Variants in C8orf34 observed in about 807,000 individuals in gnomAD.
The protein encoded by C8orf34 is chromosome 8 open reading frame 34.
C8orf34 carries 65 observed loss-of-function variants against 68.3 expected under a neutral mutation model. The ratio of observed to expected loss-of-function variants is 0.95; its 90% CI spans 0.78 to 1.17. The LOEUF (loss-of-function observed/expected upper bound fraction) is 1.17, where lower values mean the gene tolerates loss of function less well. Among genes scored for constraint, C8orf34 ranks in the 50% most tolerant of loss-of-function variants. C8orf34 has a pLI of 0.00. For missense variants in C8orf34, 664 were observed against 655.4 expected, an observed-to-expected ratio of 1.01 and a Z score of -0.14; for synonymous variants, 244 against 241.2, an observed-to-expected ratio of 1.01 and a Z score of -0.11.
chr8:68,578,468 G>T (rs1816969686), intron 7 of C8orf34, among the ~76,000 whole-genome samples: 1 of 151,922 alleles, frequency 6.6e-6, no homozygotes, highest in African/African-American at 2.4e-5. Context: ...GATCAGGAGG[G>T]TACCATTGAT....
chr8:68,537,464 C>A (rs191384019), intron 7 of C8orf34, among the ~76,000 whole-genome samples: 67 of 139,064 alleles, frequency 4.8e-4, no homozygotes, highest in African/African-American at 1.8e-3. Context: ...TTTTTATTTT[C>A]TTTTTTTTTT....
chr8:68,514,099 A>G (rs1344067270), intron 5 of C8orf34, among the ~76,000 whole-genome samples: 1 of 152,188 alleles, frequency 6.6e-6, no homozygotes, highest in Non-Finnish European at 1.5e-5. Context: ...TCAGGCTCGC[A>G]GACAATTTGA....
intron 8 of C8orf34, among the ~76,000 whole-genome samples, chr8:68,649,779 A>G (rs12543555): frequency 0.14 from 20,955 of 152,210 alleles, 1,904 homozygotes; most frequent in Middle Eastern, 0.26. Context: ...CATGACAAAG[A>G]GCTGGTGCTT....
chr8:68,516,071 G>A (rs898321702), intron 5 of C8orf34, among the ~76,000 whole-genome samples: 6 of 152,054 alleles, frequency 3.9e-5, no homozygotes, highest in Admixed American at 3.9e-4. Context: ...TTTTGAAATA[G>A]CAGGATCAAA....
chr8:68,483,468 C>A (rs530875110), intron 4 of C8orf34, among the ~76,000 whole-genome samples: 27 of 152,178 alleles, frequency 1.8e-4, no homozygotes, highest in African/African-American at 6.0e-4. Context: ...GCTTATATAT[C>A]ATAGGGAAAG....
At position 68,330,961 on chromosome 8, in the gene C8orf34, C is replaced by A; in HGVS notation, c.-52C>A. The A allele has an allele frequency of 1.5e-6, 2 of 1,306,412 alleles. No homozygotes were observed. The highest frequency in any genetic ancestry group is 2.0e-6 in the Non-Finnish European group (2 of 1,012,964). 80.9% of individuals were successfully genotyped at this position (1,306,412 alleles called of 1,614,324 possible). ...CTCTGCCTCGAATTTCCCCACTGCG[C>A]CGGGCGCTGCGGAGAGCGGCGAGGG... On this transcript the variant is annotated 5_prime_UTR_variant, in exon 1 of 14. Coordinates refer to ENST00000518698, the MANE Select transcript of C8orf34 (RefSeq NM_052958.4).
intron 10 of C8orf34, among the ~76,000 whole-genome samples, chr8:68,722,144 T>A (rs1821694931): frequency 6.6e-6 from 1 of 152,064 alleles, no homozygotes; most frequent in Non-Finnish European, 1.5e-5. Flanking sequence ...GATCAAAGTG[T>A]TGGCAGGGCT....
chr8:68,603,571 A>ATCTG (rs913903003), intron 7 of C8orf34, among the ~76,000 whole-genome samples: 16 of 107,984 alleles, frequency 1.5e-4, no homozygotes, highest in Admixed American at 1.3e-3. Flanking sequence ...CTATCTATCT[A>ATCTG]TCTTTGATCT....
chr8:68,766,534 A>G (rs1823180830), intron 10 of C8orf34, among the ~76,000 whole-genome samples: 1 of 152,224 alleles, frequency 6.6e-6, no homozygotes, highest in Admixed American at 6.5e-5. Flanking sequence ...TAATTAGATT[A>G]GTTTAAGATT....
chr8:68,464,988 G>T (rs1184828842), intron 3 of C8orf34, among the ~76,000 whole-genome samples: 2 of 150,576 alleles, frequency 1.3e-5, no homozygotes, highest in African/African-American at 2.4e-5. Flanking sequence ...CACAGCAAAA[G>T]AAACTACCAT....
chr8:68,570,718 T>G (rs1243514837), intron 7 of C8orf34, among the ~76,000 whole-genome samples: 1 of 152,188 alleles, frequency 6.6e-6, no homozygotes, highest in East Asian at 1.9e-4. Flanking sequence ...AGCCATCATC[T>G]GGGAGCTTGC....
intron 7 of C8orf34, among the ~76,000 whole-genome samples, 200 bp from the exon 8 acceptor site, chr8:68,640,176 T>C (rs1003646150): frequency 1.3e-5 from 2 of 152,344 alleles, no homozygotes; most frequent in African/African-American, 2.4e-5. Flanking sequence ...TTGTCTCTTG[T>C]AAATCTTCAC....
chr8:68,412,411 T>A (rs1186329271), intron 1 of C8orf34, among the ~76,000 whole-genome samples: 1 of 152,174 alleles, frequency 6.6e-6, no homozygotes, highest in African/African-American at 2.4e-5. Context: ...ATTTTAGACT[T>A]GCTAGATGTA....
At chr8:68,625,599 G>C (rs1399861246) in intron 7 of C8orf34, 1 of 701,848 alleles carries the variant, frequency 1.4e-6, no homozygotes, top group Admixed American at 2.0e-5. Flanking sequence ...TTTACAATGT[G>C]TCAGACAGGG....
chr8:68,763,879 C>T, intron 10 of C8orf34, among the ~76,000 whole-genome samples: 1 of 152,146 alleles, frequency 6.6e-6, no homozygotes, highest in East Asian at 1.9e-4. Context: ...TAGACTAGCC[C>T]AAGGCTGTAT....
intron 10 of C8orf34, among the ~76,000 whole-genome samples, chr8:68,767,233 A>G (rs1427708970): frequency 6.6e-6 from 1 of 152,194 alleles, no homozygotes; most frequent in Non-Finnish European, 1.5e-5. Flanking sequence ...TTGCCAGACA[A>G]CTAAGAAAAC....
intron 12 of C8orf34, among the ~76,000 whole-genome samples, chr8:68,802,344 C>T (rs1824356175): frequency 6.6e-6 from 1 of 152,148 alleles, no homozygotes; most frequent in African/African-American, 2.4e-5. Flanking sequence ...AGGTGATCCA[C>T]CTGCCTCGAC....
intron 10 of C8orf34, among the ~76,000 whole-genome samples, chr8:68,741,228 A>T (rs1268350655): frequency 1.3e-5 from 2 of 152,150 alleles, no homozygotes; most frequent in Non-Finnish European, 2.9e-5. Context: ...ACTTAAAATA[A>T]AAGTTAAATA....
intron 2 of C8orf34, among the ~76,000 whole-genome samples, chr8:68,442,194 G>A (rs1396015056): frequency 6.6e-6 from 1 of 151,914 alleles, no homozygotes; most frequent in African/African-American, 2.4e-5. Flanking sequence ...GTGGTTGGGG[G>A]GTCAGATAGG....
Sources: allele counts gnomAD v4.1 joint callset (sites outside exome capture counted in the v4.1 genomes callset), GRCh38; gene constraint gnomAD v4.1.1; transcripts MANE v1.5; gene names NCBI Gene and HGNC (gene_info 2026-07-23, HGNC 2026-07-21).